Variants in TMEM183A observed in about 807,000 individuals in gnomAD.
TMEM183A encodes the protein transmembrane protein 183A, also known as chromosome 1 open reading frame 37.
Under a neutral mutation model 46.7 loss-of-function variants are expected in TMEM183A, and 21 were observed. That is an observed-to-expected ratio of 0.45 (90% CI 0.32 to 0.65). The LOEUF is 0.65. Among genes scored for constraint, TMEM183A ranks in the 30% least tolerant of loss-of-function variants. TMEM183A has a pLI of 0.04. For missense variants in TMEM183A, 331 were observed against 481.9 expected, an observed-to-expected ratio of 0.69 and a Z score of 2.93; for synonymous variants, 165 against 180.2, an observed-to-expected ratio of 0.92 and a Z score of 0.68.
chr1:203,008,469 T>C (rs1365159814), intron 2 of TMEM183A, among the ~76,000 whole-genome samples, 174 bp from the exon 3 acceptor site: 1 of 151,116 alleles, frequency 6.6e-6, no homozygotes, highest in East Asian at 1.9e-4. Flanking sequence ...TTTTTTTTTT[T>C]TTGTATTTAA....
At chr1:203,016,803 C>T (rs1272924994) in intron 5 of TMEM183A, among the ~76,000 whole-genome samples, 1 of 152,176 alleles carries the variant, frequency 6.6e-6, no homozygotes, top group Non-Finnish European at 1.5e-5. Context: ...AAGTTTCTGT[C>T]ATTCTTCTGA....
intron 5 of TMEM183A, among the ~76,000 whole-genome samples, chr1:203,018,260 C>T (rs1490465478): frequency 6.6e-6 from 1 of 152,118 alleles, no homozygotes; most frequent in Non-Finnish European, 1.5e-5. Context: ...TATATTGGTC[C>T]CTCCTGTCCT....
chr1:203,018,611 T>G (rs768046597), intron 6 of TMEM183A, 50 bp downstream of exon 6: 8 of 1,565,570 alleles, frequency 5.1e-6, no homozygotes, highest in South Asian at 4.6e-5. Flanking sequence ...TCTAAGAGAT[T>G]TCCCTAGATA....
chr1:203,016,198 A>T (rs1271135654), intron 5 of TMEM183A, 58 bp downstream of exon 5: 1 of 1,609,900 alleles, frequency 6.2e-7, no homozygotes, highest in Non-Finnish European at 8.5e-7. Flanking sequence ...TAGGCCTGTT[A>T]TCATGGCTTG....
chr1:203,021,029 T>C (rs1657633744), intron 7 of TMEM183A, 81 bp downstream of exon 7: 15 of 550,570 alleles, frequency 2.7e-5, no homozygotes, highest in South Asian at 1.1e-4. Flanking sequence ...CCGCAGCTCT[T>C]TTTTTTTTTT....
rs1006567567 is a variant in TMEM183A at position 203,023,429 on chromosome 1, C to G, written c.*389C>G. ...TTATGGATCAGAGGAACCTTAGAGG[C>G]CTGAAATTGTTGCTTCCAGTTTAGC... is the stretch of plus-strand genomic sequence containing the variant. On this transcript the variant is annotated 3_prime_UTR_variant, in exon 8 of 8. Transcript: ENST00000367242. The G allele has an allele frequency of 6.5e-6, 1 of 152,708 alleles. No individual in the cohort carries two copies. Among genetic ancestry groups the G allele is most frequent in the Non-Finnish European group, 1.5e-5 (1 of 68,380 alleles). 9.5% of individuals were successfully genotyped at this position (152,708 alleles called of 1,614,324 possible).
chr1:203,010,021 C>G (rs1656401254), intron 3 of TMEM183A, among the ~76,000 whole-genome samples: 1 of 151,892 alleles, frequency 6.6e-6, no homozygotes, highest in Admixed American at 6.6e-5. Context: ...GTAGTCCCAG[C>G]TACCAGGGAG....
At chr1:203,012,049 TAA>T (rs1162584078) in intron 3 of TMEM183A, among the ~76,000 whole-genome samples, 4 of 152,092 alleles carry the variant, frequency 2.6e-5, no homozygotes, top group South Asian at 2.1e-4. Flanking sequence ...TCATGGCTAT[TAA>T]AAAGTTTTTT....
chr1:203,008,613 C>T (rs774611403), intron 2 of TMEM183A, 30 bp from the exon 3 acceptor site: 2 of 1,473,244 alleles, frequency 1.4e-6, no homozygotes, highest in East Asian at 5.0e-5. Flanking sequence ...GAGCTGTGTG[C>T]CATCTCATTC....
At position 203,007,848 on chromosome 1, in the gene TMEM183A, G is replaced by C. The variant is rs763030565; in HGVS notation, c.184G>C (p.Ala62Pro). The change falls in exon 2 of 8, where the codon GCT becomes CCT. Residue 62 changes from alanine to proline, a missense_variant. By Grantham distance (27) the Ala-to-Pro change is conservative. This residue lies in a region of TMEM183A where 98 missense variants were observed against 96.1 expected (regional missense o/e 1.02). Transcript: ENST00000367242. ...ACGAGTCAAGAAAGCCGTAGCCAACGCTGTTCAGCAGGAAGGTAAGCTTTG... is the reference window on the plus strand; with the variant it reads ...ACGAGTCAAGAAAGCCGTAGCCAACCCTGTTCAGCAGGAAGGTAAGCTTTG... ...SGRVKKAVANAVQQEVKSLCG... is the reference protein window; with the variant it reads ...SGRVKKAVANPVQQEVKSLCG... 1 of 1,614,110 alleles carries C rather than the reference G, an allele frequency of 6.2e-7. No homozygotes were observed. Among genetic ancestry groups the C allele is most frequent in the Non-Finnish European group, 8.5e-7 (1 of 1,179,934 alleles).
At position 203,017,995 on chromosome 1, in the gene TMEM183A, C is replaced by G. The variant is rs1454396879; in HGVS notation, c.709-486C>G. 3 of 974,394 alleles carry G rather than the reference C, an allele frequency of 3.1e-6. No individual in the cohort carries two copies. The African/African-American group carries it at 5.3e-5, about 17-fold the overall frequency. The allele number at this position is 974,394 out of a possible 1,614,324, so 60.4% of individuals were successfully genotyped here. ...GGGCTTATTCTAGACAGAATTCAGC[C>G]TAGCTCTGTAGTTTCCTTACTGGCT... On this transcript the variant is annotated intron_variant, in intron 5 of 7. Transcript: ENST00000367242.
chr1:203,008,453 C>CTTT (rs35395088), intron 2 of TMEM183A, among the ~76,000 whole-genome samples, 190 bp from the exon 3 acceptor site: 37 of 106,102 alleles, frequency 3.5e-4, no homozygotes, highest in African/African-American at 1.1e-3. Flanking sequence ...CATTGCTTTC[C>CTTT]TTTTTTTTTT....
chr1:203,012,185 C>CACACACACACT (rs60471086), intron 3 of TMEM183A, among the ~76,000 whole-genome samples: 1 of 114,896 alleles, frequency 8.7e-6, no homozygotes, highest in Non-Finnish European at 1.8e-5. Flanking sequence ...CACACACACA[C>CACACACACACT]GGTTATTTTG....
At chr1:203,022,648 A>G (rs1166723525) in intron 7 of TMEM183A, among the ~76,000 whole-genome samples, 1 of 151,582 alleles carries the variant, frequency 6.6e-6, no homozygotes, top group African/African-American at 2.4e-5. Context: ...GGTTGCAGTG[A>G]GCCGAGATCA....
chr1:203,012,006 A>G lies in TMEM183A; in HGVS notation c.368-2883A>G, dbSNP rs1405427021. Among the ~76,000 whole-genome samples, 5 of 151,712 alleles carry G rather than the reference A, an allele frequency of 3.3e-5. No homozygotes were observed. In the East Asian group the frequency reaches 7.7e-4, roughly 23 times the overall value. ...GAGAGAATAGTCTGATTATAACTCCATATAACTATTCCCTGCTTCAACAAT... is the reference window on the plus strand; with the variant it reads ...GAGAGAATAGTCTGATTATAACTCCGTATAACTATTCCCTGCTTCAACAAT... On this transcript the variant is annotated intron_variant, in intron 3 of 7. Coordinates refer to ENST00000367242, the MANE Select transcript of TMEM183A (RefSeq NM_138391.6).
At position 203,023,704 on chromosome 1, in the gene TMEM183A, C is replaced by T. The variant is rs1047699191; in HGVS notation, c.*664C>T. On this transcript the variant is annotated 3_prime_UTR_variant, in exon 8 of 8. Transcript: ENST00000367242. ...ATACTAGGAACTTTACATAGTATCT[C>T]TACTTCTCACAGTCTTGCAAAGTAG... 1 of 152,544 alleles carries T rather than the reference C, an allele frequency of 6.6e-6. No homozygotes were observed. Among genetic ancestry groups the T allele is most frequent in the East Asian group, 1.9e-4 (1 of 5,202 alleles). The allele number at this position is 152,544 out of a possible 1,614,324, so 9.4% of individuals were successfully genotyped here. A position where few individuals can be genotyped will look rare whatever the true frequency, so the allele number is the denominator to read the frequency against.
At chr1:203,015,175 CT>C in intron 4 of TMEM183A, 127 bp downstream of exon 4, 2 of 1,298,468 alleles carry the variant, frequency 1.5e-6, no homozygotes, top group Non-Finnish European at 2.1e-6. Flanking sequence ...CATGACCCAG[CT>C]TTGGACTCCT....
At chr1:203,017,946 A>T (rs753358724) in intron 5 of TMEM183A, 16 of 986,090 alleles carry the variant, frequency 1.6e-5, no homozygotes, top group Non-Finnish European at 1.9e-5. Flanking sequence ...GCTTAACCCT[A>T]GCTGTAGCCT....
At chr1:203,018,018 G>A in intron 5 of TMEM183A, 1 of 919,502 alleles carries the variant, frequency 1.1e-6, no homozygotes, top group Non-Finnish European at 1.3e-6. Flanking sequence ...TTCCTTACTG[G>A]CTGTCTGCTC....
Sources: allele counts gnomAD v4.1 joint callset (sites outside exome capture counted in the v4.1 genomes callset), GRCh38; gene constraint gnomAD v4.1.1; regional missense constraint gnomAD v4.1.1; transcripts MANE v1.5; gene names NCBI Gene and HGNC (gene_info 2026-07-23, HGNC 2026-07-21).